Variants in SNTG1 observed in about 807,000 individuals in gnomAD.
SNTG1 encodes gamma-1-syntrophin.
A neutral mutation model predicts 74.7 loss-of-function variants in SNTG1; 39 were observed. That is an observed-to-expected ratio of 0.52 (90% CI 0.40 to 0.68). The LOEUF (loss-of-function observed/expected upper bound fraction) is 0.68, where lower values mean the gene tolerates loss of function less well. Among genes scored for constraint, SNTG1 ranks in the 30% least tolerant of loss-of-function variants. The pLI is 0.00. For missense variants in SNTG1, 685 were observed against 609.5 expected, an observed-to-expected ratio of 1.12 and a Z score of -1.30; for synonymous variants, 254 against 217.1, an observed-to-expected ratio of 1.17 and a Z score of -1.49.
intron 13 of SNTG1, among the ~76,000 whole-genome samples, chr8:50,615,670 C>T (rs1354787428): frequency 6.6e-6 from 1 of 152,118 alleles, no homozygotes; most frequent in East Asian, 1.9e-4. Context: ...GAAATCACAC[C>T]AGTTATTTAA....
intron 1 of SNTG1, among the ~76,000 whole-genome samples, chr8:50,140,397 A>G (rs532896374): frequency 6.6e-6 from 1 of 152,208 alleles, no homozygotes; most frequent in Non-Finnish European, 1.5e-5. Context: ...TTCATCTTGA[A>G]CATGTGTGTG....
rs538784389 is a variant in SNTG1 at position 50,322,863 on chromosome 8, T to G, written c.-27-71349T>G. On this transcript the variant is annotated intron_variant, in intron 2 of 18. Transcript: ENST00000642720. ...CAGGCAAAGTGACTCATGCCTGTAA[T>G]CCCAGCATTTTGGGAGGCCAAGGAA... 9.9e-5 allele frequency among the ~76,000 whole-genome samples: 15 copies of G among 152,116 alleles called. No homozygotes were observed. The East Asian group carries it at 2.9e-3, about 30-fold the overall frequency.
intron 15 of SNTG1, among the ~76,000 whole-genome samples, chr8:50,669,212 A>T (rs2095265903): frequency 7.0e-6 from 1 of 142,734 alleles, no homozygotes; most frequent in Non-Finnish European, 1.6e-5. Context: ...GGAAATAGAG[A>T]TTTAAAAAAA....
At chr8:50,288,169 T>A (rs2088891298) in intron 2 of SNTG1, among the ~76,000 whole-genome samples, 1 of 152,302 alleles carries the variant, frequency 6.6e-6, no homozygotes, top group South Asian at 2.1e-4. Context: ...AGGAAGCAAT[T>A]GTTATTAGTT....
chr8:50,262,009 G>T (rs1444227740), intron 2 of SNTG1, among the ~76,000 whole-genome samples: 1 of 152,112 alleles, frequency 6.6e-6, no homozygotes, highest in Non-Finnish European at 1.5e-5. Flanking sequence ...CCCAGTGTAT[G>T]TGCTCAGATC....
chr8:50,227,921 C>CAAAAAAAAAAAAAAAAAAAAAAACCAAA (rs60255876), intron 2 of SNTG1, among the ~76,000 whole-genome samples: 1 of 136,238 alleles, frequency 7.3e-6, no homozygotes, highest in African/African-American at 2.7e-5. Context: ...AAACAACAAC[C>CAAAAAAAAAAAAAAAAAAAAAAACCAAA]AAAAAAAAAA....
In SNTG1 at chr8:50,668,529, A is replaced by G. The variant is rs1273081753; in HGVS notation, c.1038+9866A>G. Among the ~76,000 whole-genome samples, 13 of 91,572 alleles carry G rather than the reference A, an allele frequency of 1.4e-4. No individual in the cohort carries two copies. The East Asian group carries it at 4.9e-3, about 34-fold the overall frequency. 60.1% of individuals were successfully genotyped at this position (91,572 alleles called of 152,430 possible). ...TATTATTATTATTATTATTATTATTATTATTATTTTGCTTTAAGTTCTGGG... is the reference window on the plus strand; with the variant it reads ...TATTATTATTATTATTATTATTATTGTTATTATTTTGCTTTAAGTTCTGGG... On this transcript the variant is annotated intron_variant, in intron 15 of 18. Coordinates refer to ENST00000642720, the MANE Select transcript of SNTG1 (RefSeq NM_018967.5).
chr8:50,291,823 G>A (rs1180399034), intron 2 of SNTG1, among the ~76,000 whole-genome samples: 2 of 152,156 alleles, frequency 1.3e-5, no homozygotes, highest in Non-Finnish European at 2.9e-5. Flanking sequence ...AGAAGGCATA[G>A]TTAGGATACA....
intron 2 of SNTG1, among the ~76,000 whole-genome samples, chr8:50,283,375 C>T (rs1195526736): frequency 6.6e-6 from 1 of 152,144 alleles, no homozygotes; most frequent in Non-Finnish European, 1.5e-5. Context: ...ATTATAGTTG[C>T]TCACAAAATA....
At chr8:50,682,639 C>T (rs1247329207) in intron 15 of SNTG1, among the ~76,000 whole-genome samples, 2 of 152,146 alleles carry the variant, frequency 1.3e-5, no homozygotes, top group African/African-American at 2.4e-5. Flanking sequence ...GTGTCAGTCT[C>T]ACATTTCCCA....
chr8:49,915,385 A>G (rs981160847), intron 1 of SNTG1, among the ~76,000 whole-genome samples: 2 of 152,218 alleles, frequency 1.3e-5, no homozygotes, highest in South Asian at 4.1e-4. Context: ...TAATTACTAA[A>G]TAACAGGCAC....
chr8:50,464,797 T>A (rs899582505), intron 8 of SNTG1, among the ~76,000 whole-genome samples: 1 of 151,966 alleles, frequency 6.6e-6, no homozygotes, highest in African/African-American at 2.4e-5. Flanking sequence ...CAGGTCACCA[T>A]AACAGATACA....
chr8:50,427,985 G>T (rs1458377792), intron 4 of SNTG1, among the ~76,000 whole-genome samples: 2 of 152,070 alleles, frequency 1.3e-5, no homozygotes, highest in African/African-American at 4.8e-5. Flanking sequence ...TTAATACAGG[G>T]CTCCTCAGAG....
At chr8:50,715,078 C>A in intron 17 of SNTG1, among the ~76,000 whole-genome samples, 1 of 152,134 alleles carries the variant, frequency 6.6e-6, no homozygotes, top group Middle Eastern at 3.4e-3. Context: ...TAAGTATGGG[C>A]GTCCAACAAA....
At chr8:50,619,278 T>G (rs1297335667) in intron 13 of SNTG1, among the ~76,000 whole-genome samples, 3 of 152,224 alleles carry the variant, frequency 2.0e-5, no homozygotes, top group Non-Finnish European at 4.4e-5. Flanking sequence ...ATGATAGTAA[T>G]AGCAAAATTA....
intron 1 of SNTG1, among the ~76,000 whole-genome samples, chr8:50,041,552 T>C (rs992728240): frequency 6.6e-6 from 1 of 152,108 alleles, no homozygotes; most frequent in Non-Finnish European, 1.5e-5. Context: ...GAACTTACGA[T>C]TGTAAATATT....
chr8:50,007,802 A>T (rs1435098947), intron 1 of SNTG1, among the ~76,000 whole-genome samples: 1 of 152,084 alleles, frequency 6.6e-6, no homozygotes, highest in South Asian at 2.1e-4. Flanking sequence ...ACTACTTGAG[A>T]TTGGGTAATT....
At chr8:50,709,399 G>T (rs1253961329) in intron 17 of SNTG1, among the ~76,000 whole-genome samples, 1 of 151,998 alleles carries the variant, frequency 6.6e-6, no homozygotes, top group African/African-American at 2.4e-5. Context: ...AAAAATTATA[G>T]CTGACATGTT....
intron 1 of SNTG1, among the ~76,000 whole-genome samples, chr8:50,117,234 T>G (rs16914299): frequency 0.016 from 2,475 of 152,118 alleles, 130 homozygotes; most frequent in South Asian, 0.13. Context: ...TTTTCCAGAG[T>G]GTGTGCACAC....
Sources: gnomAD v4.1 joint callset for allele counts (sites outside exome capture counted in the v4.1 genomes callset) on GRCh38, gnomAD v4.1.1 for gene constraint, MANE v1.5 for transcripts, NCBI Gene and HGNC (gene_info 2026-07-23, HGNC 2026-07-21) for gene names.